The following ZNRF1 variants were observed in gnomAD, a reference collection of about 807,000 sequenced individuals.
The protein encoded by ZNRF1 is zinc and ring finger 1.
ZNRF1 carries 3 observed loss-of-function variants against 18.4 expected under a neutral mutation model. The ratio of observed to expected loss-of-function variants is 0.16; its 90% CI spans 0.07 to 0.42. The LOEUF (loss-of-function observed/expected upper bound fraction) is 0.42. ZNRF1 is among the 10% of genes least tolerant of loss of function. The pLI is 0.99. For missense variants in ZNRF1, 310 were observed against 329.8 expected (o/e 0.94, Z 0.47); for synonymous variants, 157 against 144.2 (o/e 1.09, Z -0.64).
rs1414461924 is a variant in ZNRF1 at position 74,999,247 on chromosome 16, G to GC, written c.-420dup. 3 of 146,136 alleles carry GC rather than the reference G, an allele frequency of 2.1e-5. 1 individual carries two copies. The highest frequency in any genetic ancestry group is 4.5e-5 in the Non-Finnish European group (3 of 66,034). 9.1% of individuals were successfully genotyped at this position (146,136 alleles called of 1,614,324 possible). On this transcript the variant is annotated 5_prime_UTR_variant, in exon 1 of 5. Transcript: ENST00000335325. ...TCCTGAGGCGGGGGACGCGCCCGGC[G>GC]CCCCCGGCCCTCCTCCGCCTCCTCC...
intron 1 of ZNRF1, among the ~76,000 whole-genome samples, chr16:75,003,124 G>T (rs903479869): frequency 2.6e-5 from 4 of 152,132 alleles, no homozygotes; most frequent in African/African-American, 9.7e-5. Context: ...CAATAAGCTT[G>T]GGGCTAATTT....
chr16:75,051,520 CTTT>C (rs760226539), intron 1 of ZNRF1, among the ~76,000 whole-genome samples: 4 of 141,912 alleles, frequency 2.8e-5, no homozygotes, highest in African/African-American at 7.6e-5. Flanking sequence ...GCATCTTCCC[CTTT>C]TTTTTTTTGG....
chr16:75,069,721 C>G (rs542409569), intron 1 of ZNRF1, among the ~76,000 whole-genome samples: 8 of 152,268 alleles, frequency 5.3e-5, no homozygotes, highest in African/African-American at 1.9e-4. Flanking sequence ...CTCATCTGGA[C>G]TTTTTAAAAC....
chr16:75,024,191 A>T (rs1009941746), intron 1 of ZNRF1, among the ~76,000 whole-genome samples: 1 of 151,954 alleles, frequency 6.6e-6, no homozygotes, highest in East Asian at 1.9e-4. Context: ...TTAACACAGT[A>T]CTCCAAGTGC....
At chr16:75,052,976 G>A (rs908049189) in intron 1 of ZNRF1, among the ~76,000 whole-genome samples, 3 of 152,212 alleles carry the variant, frequency 2.0e-5, no homozygotes, top group Non-Finnish European at 4.4e-5. Context: ...TGCCACTGGG[G>A]ACATGATGTG....
intron 1 of ZNRF1, among the ~76,000 whole-genome samples, chr16:75,009,271 GT>G (rs1361660584): frequency 6.6e-6 from 1 of 151,888 alleles, no homozygotes; most frequent in African/African-American, 2.4e-5. Context: ...GTTTTGTTTT[GT>G]TTTTTTAACT....
At chr16:75,016,363 C>T (rs1405745959) in intron 1 of ZNRF1, among the ~76,000 whole-genome samples, 1 of 149,188 alleles carries the variant, frequency 6.7e-6, no homozygotes, top group African/African-American at 2.5e-5. Context: ...CTCAGCCTCC[C>T]GAGTAGCTGG....
intron 1 of ZNRF1, among the ~76,000 whole-genome samples, chr16:75,015,392 A>G (rs933965907): frequency 2.6e-5 from 4 of 152,162 alleles, no homozygotes; most frequent in Non-Finnish European, 4.4e-5. Flanking sequence ...CTTGACCAAC[A>G]TGGACAAACC....
intron 2 of ZNRF1, 60 bp downstream of exon 2, chr16:75,093,727 C>A: frequency 7.3e-7 from 1 of 1,373,450 alleles, no homozygotes; most frequent in Non-Finnish European, 1.0e-6. Flanking sequence ...CCGGCCAGTC[C>A]TTGTGGGAGC....
At chr16:75,067,599 G>A (rs138417132) in intron 1 of ZNRF1, among the ~76,000 whole-genome samples, 6 of 152,188 alleles carry the variant, frequency 3.9e-5, no homozygotes, top group East Asian at 1.9e-4. Flanking sequence ...TGATGTCTGC[G>A]CAAAAACAGG....
chr16:75,087,212 G>A lies in ZNRF1; in HGVS notation c.425-6360G>A, dbSNP rs947562595. Among the ~76,000 whole-genome samples, 5 of 152,290 alleles carry A rather than the reference G, an allele frequency of 3.3e-5. No homozygotes were observed. In the East Asian group the frequency reaches 9.7e-4, roughly 29 times the overall value. On this transcript the variant is annotated intron_variant, in intron 1 of 4. Transcript: ENST00000335325. ...TAGGGCCTGGGTGAAGGGATGCCCA[G>A]TTACCCTGGTCCAGGAACATTGATG...
At chr16:75,032,514 A>G (rs1471602486) in intron 1 of ZNRF1, among the ~76,000 whole-genome samples, 1 of 152,184 alleles carries the variant, frequency 6.6e-6, no homozygotes, top group Non-Finnish European at 1.5e-5. Flanking sequence ...AGCCTGGGCA[A>G]CAAGAGCGAA....
chr16:75,088,447 A>G lies in ZNRF1; in HGVS notation c.425-5125A>G, dbSNP rs188129776. On this transcript the variant is annotated intron_variant, in intron 1 of 4. Transcript: ENST00000335325. ...AGATAGTTATAACAGAGTTCCTAGG[A>G]AAAAAAAGTGTCCATTGTTTCAGGC... 4.2e-3 allele frequency among the ~76,000 whole-genome samples: 637 copies of G among 152,264 alleles called. 4 individuals are homozygous for G. Among genetic ancestry groups the G allele is most frequent in the African/African-American group, 0.014 (597 of 41,550 alleles).
intron 1 of ZNRF1, among the ~76,000 whole-genome samples, chr16:75,073,031 T>C (rs2035889467): frequency 6.6e-6 from 1 of 152,118 alleles, no homozygotes; most frequent in African/African-American, 2.4e-5. Context: ...AGCTCACGCC[T>C]GTAATCCCAT....
chr16:75,062,088 T>A (rs1182211185), intron 1 of ZNRF1, among the ~76,000 whole-genome samples: 1 of 152,262 alleles, frequency 6.6e-6, no homozygotes, highest in African/African-American at 2.4e-5. Flanking sequence ...CTACGAGATC[T>A]AAGCCAAGTG....
At chr16:75,080,018 C>G (rs930400363) in intron 1 of ZNRF1, among the ~76,000 whole-genome samples, 8 of 152,214 alleles carry the variant, frequency 5.3e-5, no homozygotes, top group Admixed American at 4.6e-4. Flanking sequence ...CGGGTTCAAG[C>G]GATTCTCCTG....
intron 1 of ZNRF1, among the ~76,000 whole-genome samples, chr16:75,013,535 T>G (rs1164411419): frequency 6.6e-6 from 1 of 151,972 alleles, no homozygotes; most frequent in Non-Finnish European, 1.5e-5. Context: ...TTAGGAGAGA[T>G]GGGGTTTTAC....
intron 1 of ZNRF1, among the ~76,000 whole-genome samples, chr16:75,025,784 G>C (rs2035214610): frequency 6.7e-6 from 1 of 150,166 alleles, no homozygotes; most frequent in Admixed American, 6.6e-5. Context: ...TTTCTGATGG[G>C]ATGATTGCTT....
chr16:75,002,642 CTGTGACCT>C (rs1162643705), intron 1 of ZNRF1, among the ~76,000 whole-genome samples: 1 of 152,214 alleles, frequency 6.6e-6, no homozygotes, highest in African/African-American at 2.4e-5. Flanking sequence ...CTCTGAGCAG[CTGTGACCT>C]TGGGCAAGAC....
Sources: gnomAD v4.1 joint callset for allele counts (sites outside exome capture counted in the v4.1 genomes callset) on GRCh38, gnomAD v4.1.1 for gene constraint, MANE v1.5 for transcripts, NCBI Gene and HGNC (gene_info 2026-07-23, HGNC 2026-07-21) for gene names.